LRP1B: variants seen among roughly 807,000 people sequenced by gnomAD.
The protein encoded by LRP1B is low-density lipoprotein receptor-related protein 1B.
LRP1B carries 217 observed loss-of-function variants against 556.6 expected under a neutral mutation model. The ratio of observed to expected loss-of-function variants is 0.39; its 90% CI spans 0.35 to 0.44. The LOEUF is 0.44. Among genes scored for constraint, LRP1B ranks in the 20% least tolerant of loss-of-function variants. The pLI, the probability that LRP1B is intolerant of heterozygous loss-of-function variation, is 1.00. For synonymous variants in LRP1B, 2,047 were observed against 1,865.8 expected, an observed-to-expected ratio of 1.10 and a Z score of -2.50; for missense variants, 5,053 against 5,620.8, an observed-to-expected ratio of 0.90 and a Z score of 3.23.
intron 27 of LRP1B, among the ~76,000 whole-genome samples, chr2:140,854,524 A>T (rs1692557428): frequency 1.3e-5 from 2 of 152,288 alleles, no homozygotes; most frequent in Non-Finnish European, 2.9e-5. Flanking sequence ...TTCTTTCCAA[A>T]CAAGTGCTTG....
At chr2:142,026,406 T>C (rs892249609) in intron 1 of LRP1B, among the ~76,000 whole-genome samples, 2 of 152,124 alleles carry the variant, frequency 1.3e-5, no homozygotes, top group Admixed American at 6.6e-5. Context: ...CAGCCTCCCA[T>C]GTCATAATGG....
intron 2 of LRP1B, among the ~76,000 whole-genome samples, chr2:141,524,280 A>ATATATATATATATATATATATAT (rs1553528056): frequency 1.3e-5 from 2 of 151,312 alleles, no homozygotes; most frequent in African/African-American, 4.9e-5. Flanking sequence ...ATATATATAT[A>ATATATATATATATATATATATAT]AAACTCAATG....
chr2:141,536,237 C>A (rs911738841), intron 2 of LRP1B, among the ~76,000 whole-genome samples: 1 of 151,990 alleles, frequency 6.6e-6, no homozygotes, highest in Non-Finnish European at 1.5e-5. Flanking sequence ...CATTGTATAA[C>A]CTGAGCATTG....
chr2:140,974,444 C>T (rs1298454838), intron 18 of LRP1B, among the ~76,000 whole-genome samples: 3 of 152,186 alleles, frequency 2.0e-5, no homozygotes, highest in African/African-American at 7.2e-5. Context: ...CATTCTGCAA[C>T]TTTGCACACA....
chr2:142,027,229 A>T lies in LRP1B; in HGVS notation c.82+103419T>A, dbSNP rs144732926. Among the ~76,000 whole-genome samples, 738 of 152,090 alleles carry T rather than the reference A, an allele frequency of 4.9e-3. 4 individuals are homozygous for T. Among genetic ancestry groups the T allele is most frequent in the African/African-American group, 0.016 (659 of 41,536 alleles). On this transcript the variant is annotated intron_variant, in intron 1 of 90. Transcript: ENST00000389484. The stretch of plus-strand genomic sequence containing the variant: ...ATGAATGAGGATCCCCAAATTAAAA[A>T]AACAAAAACCAACAGACTGTCTAGT...
intron 20 of LRP1B, among the ~76,000 whole-genome samples, chr2:140,943,558 T>C (rs530764329): frequency 6.6e-6 from 1 of 152,154 alleles, no homozygotes; most frequent in African/African-American, 2.4e-5. Context: ...ATCAAAATCA[T>C]ACCAAGCATC....
chr2:141,353,486 T>C (rs1688517778), intron 3 of LRP1B, among the ~76,000 whole-genome samples: 1 of 152,004 alleles, frequency 6.6e-6, no homozygotes, highest in South Asian at 2.1e-4. Flanking sequence ...GAGAAACATC[T>C]TATTTTGTAA....
intron 2 of LRP1B, among the ~76,000 whole-genome samples, chr2:141,777,707 G>A (rs999021597): frequency 2.6e-5 from 4 of 151,994 alleles, no homozygotes; most frequent in South Asian, 2.1e-4. Context: ...GAGCCACCGC[G>A]CCCAGCCAAA....
chr2:141,529,499 C>A (rs959798462), intron 2 of LRP1B, among the ~76,000 whole-genome samples: 1 of 152,114 alleles, frequency 6.6e-6, no homozygotes, highest in Non-Finnish European at 1.5e-5. Context: ...TACACATATA[C>A]ATATATATCT....
intron 43 of LRP1B, among the ~76,000 whole-genome samples, chr2:140,596,192 C>T (rs972474617): frequency 6.6e-6 from 1 of 152,116 alleles, no homozygotes; most frequent in Admixed American, 6.5e-5. Context: ...AAGGTCCTTG[C>T]AATGGTGTGA....
intron 32 of LRP1B, among the ~76,000 whole-genome samples, chr2:140,787,327 C>T (rs1266722897): frequency 1.3e-5 from 2 of 152,054 alleles, no homozygotes; most frequent in Admixed American, 6.5e-5. Context: ...GAATATTTCC[C>T]TCCACTGCTA....
chr2:141,487,268 A>G (rs1412566977), intron 2 of LRP1B, among the ~76,000 whole-genome samples: 2 of 152,176 alleles, frequency 1.3e-5, no homozygotes, highest in African/African-American at 4.8e-5. Flanking sequence ...TCAAAATAAG[A>G]CTATGAGATA....
intron 2 of LRP1B, among the ~76,000 whole-genome samples, chr2:141,535,839 T>G (rs959614206): frequency 1.3e-5 from 2 of 152,136 alleles, no homozygotes; most frequent in Non-Finnish European, 2.9e-5. Flanking sequence ...GGATGATATT[T>G]AAGAAACCCC....
chr2:140,531,639 T>G (rs1448429140), intron 47 of LRP1B, among the ~76,000 whole-genome samples: 1 of 152,104 alleles, frequency 6.6e-6, no homozygotes, highest in Non-Finnish European at 1.5e-5. Flanking sequence ...ATACCTTTCC[T>G]TTACATCAAT....
chr2:141,907,776 A>C (rs898360333), intron 1 of LRP1B, among the ~76,000 whole-genome samples: 1 of 151,996 alleles, frequency 6.6e-6, no homozygotes, highest in African/African-American at 2.4e-5. Flanking sequence ...TTGTAGTGCA[A>C]AAATGGACAC....
chr2:140,644,013 T>G (rs983323141), intron 41 of LRP1B, among the ~76,000 whole-genome samples: 1 of 152,238 alleles, frequency 6.6e-6, no homozygotes, highest in African/African-American at 2.4e-5. Context: ...ATCTTGAACA[T>G]CTCAGCAACT....
At chr2:140,631,049 C>T (rs1683863746) in intron 41 of LRP1B, among the ~76,000 whole-genome samples, 1 of 152,142 alleles carries the variant, frequency 6.6e-6, no homozygotes, top group Non-Finnish European at 1.5e-5. Flanking sequence ...GGCTCAGCCT[C>T]TCTTTGAAAA....
chr2:140,532,216 C>A (rs1378829344), intron 47 of LRP1B, among the ~76,000 whole-genome samples: 1 of 152,066 alleles, frequency 6.6e-6, no homozygotes, highest in Non-Finnish European at 1.5e-5. Flanking sequence ...TTAACACAAT[C>A]CTATTCTTTT....
rs112562399 is a variant in LRP1B at position 140,445,521 on chromosome 2, G to A, written c.10058-842C>T. Among the ~76,000 whole-genome samples, 1,048 of 152,028 alleles carry A rather than the reference G, an allele frequency of 6.9e-3. 14 individuals carry two copies. The highest frequency in any genetic ancestry group is 9.0e-3 in the Non-Finnish European group (611 of 67,972). On this transcript the variant is annotated intron_variant, in intron 63 of 90. Transcript: ENST00000389484. ...TCCCTATAATCCGATTATTATACAA[G>A]AGAACAATATCTTATAAATAGTAAA...
Sources: allele counts gnomAD v4.1 joint callset (sites outside exome capture counted in the v4.1 genomes callset), GRCh38; gene constraint gnomAD v4.1.1; transcripts MANE v1.5; gene names NCBI Gene and HGNC (gene_info 2026-07-23, HGNC 2026-07-21).